Variants in RABGAP1L observed in about 807,000 individuals in gnomAD.
RABGAP1L encodes the protein rab GTPase-activating protein 1-like.
A neutral mutation model predicts 137.7 loss-of-function variants in RABGAP1L; 63 were observed. That is an observed-to-expected ratio of 0.46 (90% CI 0.37 to 0.56). The LOEUF (loss-of-function observed/expected upper bound fraction) is 0.56. Among genes scored for constraint, RABGAP1L ranks in the 20% least tolerant of loss-of-function variants. RABGAP1L has a pLI of 0.00. For missense variants in RABGAP1L, 1,095 were observed against 1,244.0 expected (o/e 0.88, Z 1.80); for synonymous variants, 431 against 433.7 (o/e 0.99, Z 0.08).
rs560415679 is a variant in RABGAP1L, at chr1:174,457,550, A to C, written c.1710+63405A>C. Among the ~76,000 whole-genome samples the C allele has an allele frequency of 7.9e-5, 11 of 139,122 alleles. No individual in the cohort carries two copies. In the East Asian group the frequency reaches 2.1e-3, roughly 26 times the overall value. The allele number at this position is 139,122 out of a possible 152,430, so 91.3% of individuals were successfully genotyped here. A position where few individuals can be genotyped will look rare whatever the true frequency, so the allele number is the denominator to read the frequency against. On this transcript the variant is annotated intron_variant, in intron 13 of 25. Coordinates refer to ENST00000681986, the MANE Select transcript of RABGAP1L (RefSeq NM_001366446.1). ...AGGCTGGAGAGTGATCACCAGTGTC[A>C]CCCAGGCAGTGGAGTGATCTTGGCT...
intron 13 of RABGAP1L, among the ~76,000 whole-genome samples, chr1:174,428,678 A>G (rs1349478114): frequency 6.6e-6 from 1 of 152,192 alleles, no homozygotes; most frequent in East Asian, 1.9e-4. Flanking sequence ...AAATATGCCA[A>G]ACCATTTCAT....
intron 13 of RABGAP1L, among the ~76,000 whole-genome samples, chr1:174,614,115 G>T (rs4431904): frequency 0.36 from 55,108 of 151,236 alleles, 13,169 homozygotes; most frequent in African/African-American, 0.69. Context: ...GTTAGCTGGT[G>T]ATTTTGCTTG....
chr1:174,607,064 A>T (rs1670844678), intron 13 of RABGAP1L, among the ~76,000 whole-genome samples: 1 of 152,056 alleles, frequency 6.6e-6, no homozygotes, highest in African/African-American at 2.4e-5. Flanking sequence ...AATACAAGAC[A>T]CCCACTTACA....
intron 19 of RABGAP1L, among the ~76,000 whole-genome samples, chr1:174,837,085 T>C (rs1692828288): frequency 6.6e-6 from 1 of 152,116 alleles, no homozygotes; most frequent in Non-Finnish European, 1.5e-5. Context: ...CGCATGCCTG[T>C]AATTCCAGTT....
intron 14 of RABGAP1L, among the ~76,000 whole-genome samples, chr1:174,639,151 C>T (rs1674319776): frequency 6.6e-6 from 1 of 151,742 alleles, no homozygotes; most frequent in East Asian, 1.9e-4. Flanking sequence ...TTGGCCTCTT[C>T]ACACTCCTGT....
At chr1:174,693,650 A>G (rs1679035387) in intron 15 of RABGAP1L, among the ~76,000 whole-genome samples, 1 of 152,116 alleles carries the variant, frequency 6.6e-6, no homozygotes, top group Non-Finnish European at 1.5e-5. Flanking sequence ...TTGCTTATTT[A>G]ATCATTCCTT....
At chr1:174,823,611 A>G (rs535697924) in intron 19 of RABGAP1L, among the ~76,000 whole-genome samples, 4 of 152,338 alleles carry the variant, frequency 2.6e-5, no homozygotes, top group Admixed American at 1.3e-4. Flanking sequence ...GCACACAAGC[A>G]TACACTTTGA....
At chr1:174,678,255 C>T (rs1677785463) in intron 14 of RABGAP1L, among the ~76,000 whole-genome samples, 1 of 151,926 alleles carries the variant, frequency 6.6e-6, no homozygotes, top group Non-Finnish European at 1.5e-5. Flanking sequence ...TAATAAAAAC[C>T]TTTCCAAGGA....
chr1:174,907,491 T>G (rs1659290307), intron 19 of RABGAP1L, among the ~76,000 whole-genome samples: 1 of 151,956 alleles, frequency 6.6e-6, no homozygotes, highest in Non-Finnish European at 1.5e-5. Context: ...TTTTTTGTAT[T>G]TTTTGTAGAG....
chr1:174,553,590 T>C (rs1045995132), intron 13 of RABGAP1L, among the ~76,000 whole-genome samples: 3 of 152,248 alleles, frequency 2.0e-5, no homozygotes, highest in Non-Finnish European at 4.4e-5. Flanking sequence ...AAGCTAATGT[T>C]ATTACTCTAA....
At chr1:174,776,750 G>T (rs1046927907) in intron 18 of RABGAP1L, among the ~76,000 whole-genome samples, 4 of 152,168 alleles carry the variant, frequency 2.6e-5, no homozygotes, top group African/African-American at 9.7e-5. Flanking sequence ...ACAAACTGGA[G>T]TCAGAAGGCA....
chr1:174,370,192 G>A (rs901024770), intron 11 of RABGAP1L, among the ~76,000 whole-genome samples: 8 of 152,100 alleles, frequency 5.3e-5, no homozygotes, highest in Non-Finnish European at 7.4e-5. Flanking sequence ...ATTTTATTCC[G>A]ATAGTACTTC....
intron 11 of RABGAP1L, among the ~76,000 whole-genome samples, chr1:174,347,618 G>C (rs951219630): frequency 1.3e-5 from 2 of 151,798 alleles, no homozygotes; most frequent in African/African-American, 2.4e-5. Context: ...TCTGCCTCCT[G>C]AGTAGCTGGG....
chr1:174,976,760 G>A (rs1670678447), intron 22 of RABGAP1L, among the ~76,000 whole-genome samples: 3 of 152,166 alleles, frequency 2.0e-5, no homozygotes. Context: ...ACTCTTCATG[G>A]GAGCTGTAAG....
intron 13 of RABGAP1L, among the ~76,000 whole-genome samples, chr1:174,622,795 G>T (rs1672629687): frequency 6.6e-6 from 1 of 152,140 alleles, no homozygotes; most frequent in Admixed American, 6.5e-5. Flanking sequence ...CATGGCACAT[G>T]TATACATATG....
chr1:174,631,252 G>T (rs1673355175), intron 13 of RABGAP1L, among the ~76,000 whole-genome samples: 1 of 100,910 alleles, frequency 9.9e-6, no homozygotes, highest in African/African-American at 4.6e-5. Flanking sequence ...ACTGTGGTCT[G>T]AGAGATAGTT....
Position 174,477,101 on chromosome 1 carries a change from T to C in RABGAP1L, c.1710+82956T>C, listed in dbSNP as rs542072697. ...GAGCAGAACTGGGTGTGCTGAGATATCAAAGTTATGCATGTAATCTCAGCC... is the reference window on the plus strand; with the variant it reads ...GAGCAGAACTGGGTGTGCTGAGATACCAAAGTTATGCATGTAATCTCAGCC... On this transcript the variant is annotated intron_variant, in intron 13 of 25. Transcript: ENST00000681986. Among the ~76,000 whole-genome samples, 38 of 152,268 alleles carry C rather than the reference T, an allele frequency of 2.5e-4. 1 individual carries two copies. The South Asian group carries it at 7.0e-3, about 28-fold the overall frequency.
intron 13 of RABGAP1L, among the ~76,000 whole-genome samples, chr1:174,479,210 C>T (rs776445517): frequency 6.6e-6 from 1 of 152,254 alleles, no homozygotes; most frequent in Admixed American, 6.5e-5. Flanking sequence ...TGTGATGCCA[C>T]TGCTCCTGGT....
At chr1:174,478,620 G>A (rs1278933564) in intron 13 of RABGAP1L, among the ~76,000 whole-genome samples, 1 of 151,962 alleles carries the variant, frequency 6.6e-6, no homozygotes, top group East Asian at 1.9e-4. Flanking sequence ...TATTAAATAC[G>A]AAACTATATC....
Sources: gnomAD v4.1 joint callset for allele counts (sites outside exome capture counted in the v4.1 genomes callset) on GRCh38, gnomAD v4.1.1 for gene constraint, MANE v1.5 for transcripts, NCBI Gene and HGNC (gene_info 2026-07-23, HGNC 2026-07-21) for gene names.